The following TCF7L1 variants were observed in gnomAD, a reference collection of about 807,000 sequenced individuals.
TCF7L1 encodes the protein transcription factor 7-like 1.
In TCF7L1, 18 loss-of-function variants were observed where a neutral mutation model predicts 63.7. The ratio of observed to expected loss-of-function variants is 0.28; its 90% CI spans 0.20 to 0.42. The LOEUF (loss-of-function observed/expected upper bound fraction) is 0.42, where lower values mean the gene tolerates loss of function less well. Ranked by LOEUF, TCF7L1 falls within the 10% of genes least tolerant of loss-of-function variation. TCF7L1 has a pLI of 1.00. For synonymous variants in TCF7L1, 355 were observed against 340.9 expected, an observed-to-expected ratio of 1.04 and a Z score of -0.46; for missense variants, 654 against 779.3, an observed-to-expected ratio of 0.84 and a Z score of 1.91.
chr2:85,264,304 A>G (rs1174995446), intron 3 of TCF7L1, among the ~76,000 whole-genome samples: 1 of 152,236 alleles, frequency 6.6e-6, no homozygotes, highest in Non-Finnish European at 1.5e-5. Flanking sequence ...GAATATGGAA[A>G]ATCAAGGTGG....
chr2:85,167,896 G>A (rs13398899), intron 3 of TCF7L1, among the ~76,000 whole-genome samples: 173 of 152,204 alleles, frequency 1.1e-3, no homozygotes, highest in African/African-American at 4.0e-3. Flanking sequence ...AAATCCTGCC[G>A]TTTGTGACAA....
At chr2:85,308,099 C>T (rs73943093) in intron 11 of TCF7L1, among the ~76,000 whole-genome samples, 2,936 of 152,174 alleles carry the variant, frequency 0.019, 99 homozygotes, top group African/African-American at 0.066. Context: ...CAGGGGAGCC[C>T]GGGTTTCCTT....
intron 3 of TCF7L1, chr2:85,205,104 T>G (rs1042379453): frequency 6.6e-6 from 1 of 152,172 alleles, no homozygotes; most frequent in African/African-American, 2.4e-5. Context: ...TTAGGAGGAT[T>G]AGTTAGAATT....
At chr2:85,215,735 C>T (rs1679685482) in intron 3 of TCF7L1, among the ~76,000 whole-genome samples, 1 of 117,142 alleles carries the variant, frequency 8.5e-6, no homozygotes. Flanking sequence ...GCTTACAATC[C>T]CTGGCAGAGC....
At chr2:85,262,354 G>C in intron 3 of TCF7L1, 1 of 443,882 alleles carries the variant, frequency 2.3e-6, no homozygotes. Context: ...CGCTGCCTCT[G>C]AGAGCAACTT....
chr2:85,233,345 C>G (rs1680124513), intron 3 of TCF7L1, among the ~76,000 whole-genome samples: 2 of 143,312 alleles, frequency 1.4e-5, no homozygotes, highest in African/African-American at 5.1e-5. Context: ...TAGATGGAGT[C>G]TCGCTCTGTT....
intron 4 of TCF7L1, among the ~76,000 whole-genome samples, chr2:85,298,140 C>T (rs1353323455): frequency 3.0e-5 from 4 of 135,106 alleles, no homozygotes; most frequent in South Asian, 2.5e-4. Flanking sequence ...ATATTTTTAC[C>T]GAGATCATGC....
intron 3 of TCF7L1, among the ~76,000 whole-genome samples, chr2:85,235,823 A>G (rs1317605858): frequency 6.6e-6 from 1 of 152,098 alleles, no homozygotes; most frequent in African/African-American, 2.4e-5. Flanking sequence ...GGCATTCAAG[A>G]TCAGCCTAGG....
chr2:85,208,347 C>T (rs1290640880), intron 3 of TCF7L1, among the ~76,000 whole-genome samples: 1 of 152,168 alleles, frequency 6.6e-6, no homozygotes, highest in African/African-American at 2.4e-5. Context: ...TCAGATGTCA[C>T]CTCTCAAGTC....
In TCF7L1 at chr2:85,162,139, G is replaced by A. The variant is rs753647431; in HGVS notation, c.441+27689G>A. On this transcript the variant is annotated intron_variant, in intron 3 of 11. Transcript: ENST00000282111. ...AGTCCCAGCTACTCTGGAGGCTGAG[G>A]CAGGAGGGTTGCTTGAGCCCAGGAG... Among the ~76,000 whole-genome samples the A allele has an allele frequency of 7.2e-5, 11 of 152,022 alleles. 1 individual carries two copies. The highest frequency in any genetic ancestry group is 5.2e-4 in the Admixed American group (8 of 15,264).
rs1682105300 is a variant in TCF7L1 at position 85,306,237 on chromosome 2, G to A, written c.1021G>A (p.Glu341Lys). 1.9e-6 allele frequency: 3 copies of A among 1,614,162 alleles called. No individual in the cohort carries two copies. In the Admixed American group the frequency reaches 5.0e-5, roughly 27 times the overall value. The part of the protein sequence containing the change: ...KSPVTVKKEE[E>K]KKPHVKKPLN... ...ACCAGTCACCGTGAAAAAGGAGGAG[G>A]AAAAGAAGCCCCACGTGAAGAAGCC... The change falls in exon 9 of 12, where the codon GAA becomes AAA. Residue 341 changes from glutamate (E) to lysine (K), a missense_variant. Glu to Lys is a moderately conservative substitution (Grantham distance 56). Transcript: ENST00000282111. The surrounding 1 kb of genome is among the most constrained non-coding windows in gnomAD (Gnocchi z 4.3).
intron 4 of TCF7L1, among the ~76,000 whole-genome samples, chr2:85,284,672 G>A (rs903519483): frequency 2.0e-5 from 3 of 152,144 alleles, no homozygotes; most frequent in African/African-American, 4.8e-5. Flanking sequence ...CAGGGAATGC[G>A]GTTAGAAGGG....
At chr2:85,200,921 C>T (rs1379961648) in intron 3 of TCF7L1, among the ~76,000 whole-genome samples, 1 of 152,138 alleles carries the variant, frequency 6.6e-6, no homozygotes. Context: ...ACAATAGTGG[C>T]CAGGCACGGT....
In TCF7L1 at chr2:85,175,156, C is replaced by T. The variant is rs552050880; in HGVS notation, c.441+40706C>T. The stretch of plus-strand genomic sequence containing the variant: ...GTGTCTGGGAGTTGTGAGCCCTTTG[C>T]CATGTAACTGGAGAGGGTGGAAGTG... On this transcript the variant is annotated intron_variant, in intron 3 of 11. Transcript: ENST00000282111. Among the ~76,000 whole-genome samples, 9 of 152,234 alleles carry T rather than the reference C, an allele frequency of 5.9e-5. No homozygotes were observed. In the East Asian group the frequency reaches 7.7e-4, roughly 13 times the overall value.
In TCF7L1 at chr2:85,309,551, A is replaced by G; in HGVS notation, c.*89A>G. On this transcript the variant is annotated 3_prime_UTR_variant, in exon 12 of 12. Transcript: ENST00000282111. Reference sequence around the variant, plus strand: ...GAAAAAGGAGACTTTATTGGTCAATATTTGACCACTCTGGACTGTTCTGTA... The same window carrying G: ...GAAAAAGGAGACTTTATTGGTCAATGTTTGACCACTCTGGACTGTTCTGTA... The G allele has an allele frequency of 7.3e-7, 1 of 1,374,100 alleles. No individual in the cohort carries two copies. Among genetic ancestry groups the G allele is most frequent in the Non-Finnish European group, 9.8e-7 (1 of 1,019,760 alleles). The allele number at this position is 1,374,100 out of a possible 1,614,324, so 85.1% of individuals were successfully genotyped here.
At chr2:85,154,405 C>A (rs1312464486) in intron 3 of TCF7L1, among the ~76,000 whole-genome samples, 1 of 152,180 alleles carries the variant, frequency 6.6e-6, no homozygotes, top group African/African-American at 2.4e-5. Context: ...GTAGAACGTG[C>A]TGGGCTTCAT....
chr2:85,159,763 C>G (rs1314046851), intron 3 of TCF7L1, among the ~76,000 whole-genome samples: 1 of 152,246 alleles, frequency 6.6e-6, no homozygotes, highest in Non-Finnish European at 1.5e-5. Context: ...CCAAGTCCCT[C>G]TCACAGCAGG....
chr2:85,242,022 G>GC lies in TCF7L1; in HGVS notation c.442-41472dup, dbSNP rs1680345209. 4.9e-5 allele frequency among the ~76,000 whole-genome samples: 3 copies of GC among 61,464 alleles called. No individual in the cohort carries two copies. In the South Asian group the frequency reaches 3.4e-3, roughly 71 times the overall value. The allele number at this position is 61,464 out of a possible 152,430, so 40.3% of individuals were successfully genotyped here. A position where few individuals can be genotyped will look rare whatever the true frequency, so the allele number is the denominator to read the frequency against. On this transcript the variant is annotated intron_variant, in intron 3 of 11. Coordinates refer to ENST00000282111, the MANE Select transcript of TCF7L1 (RefSeq NM_031283.3). ...TTTTTGGGCGGAGGGGGGCGGTGGTGCGGGGGGGCAAGAATAGATTTTTGA... is the reference window on the plus strand; with the variant it reads ...TTTTTGGGCGGAGGGGGGCGGTGGTGCCGGGGGGGCAAGAATAGATTTTTGA...
chr2:85,288,983 T>C (rs1168073541), intron 4 of TCF7L1, among the ~76,000 whole-genome samples: 1 of 152,204 alleles, frequency 6.6e-6, no homozygotes, highest in East Asian at 1.9e-4. Context: ...ATTTGTTGAA[T>C]GAATGGAAGA....
Sources: allele counts gnomAD v4.1 joint callset (sites outside exome capture counted in the v4.1 genomes callset), GRCh38; gene constraint gnomAD v4.1.1; non-coding constraint Gnocchi (gnomAD v3.1); transcripts MANE v1.5; gene names NCBI Gene and HGNC (gene_info 2026-07-23, HGNC 2026-07-21).